The following HDAC9 variants were observed in gnomAD, a reference collection of about 807,000 sequenced individuals.
HDAC9 encodes the protein MEF-2 interacting transcription repressor (MITR) protein.
HDAC9 carries 41 observed loss-of-function variants against 139.4 expected under a neutral mutation model. The ratio of observed to expected loss-of-function variants is 0.29; its 90% confidence interval spans 0.23 to 0.38. The LOEUF (loss-of-function observed/expected upper bound fraction) is 0.38. Ranked by LOEUF, HDAC9 falls within the 10% of genes least tolerant of loss-of-function variation. HDAC9 has a pLI of 1.00. For synonymous variants in HDAC9, 517 were observed against 476.2 expected (o/e 1.09, Z -1.12); for missense variants, 1,147 against 1,297.0 (o/e 0.88, Z 1.78).
chr7:18,981,669 C>T (rs1382313052), intron 25 of HDAC9, among the ~76,000 whole-genome samples: 1 of 152,138 alleles, frequency 6.6e-6, no homozygotes, highest in Non-Finnish European at 1.5e-5. Flanking sequence ...CTCTCTCTGC[C>T]TTCAGCTGAG....
Position 18,835,462 on chromosome 7 carries a change from T to C in HDAC9, c.2467-5T>C. On this transcript the variant is annotated splice_polypyrimidine_tract_variant and splice_region_variant and intron_variant, in intron 19 of 25. Transcript: ENST00000686413. ...TATTTGTCGTCTGTTTTCATTTCCC[T>C]GTAGGATGTTCACCATGGAAACGGT... The C allele has an allele frequency of 6.2e-7, 1 of 1,612,398 alleles. No individual in the cohort carries two copies. The highest frequency in any genetic ancestry group is 1.7e-5 in the Admixed American group (1 of 59,900).
At chr7:18,928,135 T>C (rs754659267) in intron 22 of HDAC9, among the ~76,000 whole-genome samples, 3 of 152,200 alleles carry the variant, frequency 2.0e-5, no homozygotes, top group Non-Finnish European at 4.4e-5. Flanking sequence ...AGGATAGCAA[T>C]AGTAACTAAA....
intron 1 of HDAC9, among the ~76,000 whole-genome samples, chr7:18,417,195 G>A (rs561923448): frequency 9.2e-5 from 14 of 152,026 alleles, no homozygotes; most frequent in African/African-American, 3.1e-4. Flanking sequence ...CTTTTCTTCT[G>A]CATTGTCTCC....
chr7:18,468,994 C>G (rs907466531), intron 1 of HDAC9, among the ~76,000 whole-genome samples: 1 of 152,308 alleles, frequency 6.6e-6, no homozygotes, highest in East Asian at 1.9e-4. Flanking sequence ...GACTTTTATT[C>G]ATGCATCTTA....
At chr7:18,216,269 A>T (rs1236396267) in intron 2 of HDAC9, among the ~76,000 whole-genome samples, 1 of 152,160 alleles carries the variant, frequency 6.6e-6, no homozygotes, top group Non-Finnish European at 1.5e-5. Flanking sequence ...TTGAAAGTTT[A>T]ACAAAATCTC....
At chr7:18,413,177 A>G (rs746836722) in intron 1 of HDAC9, among the ~76,000 whole-genome samples, 19 of 152,326 alleles carry the variant, frequency 1.2e-4, no homozygotes, top group Non-Finnish European at 2.4e-4. Context: ...GTAATTTCCT[A>G]TAGATATTTT....
intron 12 of HDAC9, among the ~76,000 whole-genome samples, chr7:18,694,428 C>G (rs368931249): frequency 1.3e-5 from 2 of 152,072 alleles, no homozygotes; most frequent in Admixed American, 1.3e-4. Flanking sequence ...CTCTTCTTAA[C>G]GTAATGAGAT....
chr7:18,274,027 T>A (rs1796555530), intron 2 of HDAC9, among the ~76,000 whole-genome samples: 1 of 152,164 alleles, frequency 6.6e-6, no homozygotes, highest in Non-Finnish European at 1.5e-5. Context: ...CCTATATATG[T>A]AGTAAAGTTT....
chr7:18,716,990 CTT>C (rs528916567), intron 12 of HDAC9, among the ~76,000 whole-genome samples: 7,576 of 114,920 alleles, frequency 0.066, 240 homozygotes, highest in African/African-American at 0.15. Context: ...CTCGTTAGCA[CTT>C]TTTTTTTTTT....
rs376538602 is a variant in HDAC9, at chr7:18,745,652, T to C, written c.1910-3353T>C. The stretch of plus-strand genomic sequence containing the variant: ...AGCTCCGCCTCCCGGGTTCACACCA[T>C]TCTCCTGCCTCAGCCTCCCGAGTAG... On this transcript the variant is annotated intron_variant, in intron 13 of 25. Coordinates refer to ENST00000686413, the MANE Select transcript of HDAC9 (RefSeq NM_178425.4). 1.4e-3 allele frequency among the ~76,000 whole-genome samples: 205 copies of C among 146,612 alleles called. 4 individuals are homozygous for C. The East Asian group carries it at 0.036, about 26-fold the overall frequency.
At chr7:18,265,898 G>A (rs1014228962) in intron 2 of HDAC9, among the ~76,000 whole-genome samples, 1 of 152,096 alleles carries the variant, frequency 6.6e-6, no homozygotes, top group Non-Finnish European at 1.5e-5. Flanking sequence ...AAGAATCTTT[G>A]CAGACAATTA....
intron 1 of HDAC9, among the ~76,000 whole-genome samples, chr7:18,291,265 G>C (rs1256373727): frequency 1.3e-5 from 2 of 152,090 alleles, no homozygotes; most frequent in African/African-American, 4.8e-5. Context: ...AGTTTCCACT[G>C]GTTGTTTTAC....
At chr7:18,931,992 GT>G (rs754088007) in intron 22 of HDAC9, among the ~76,000 whole-genome samples, 28 of 152,110 alleles carry the variant, frequency 1.8e-4, no homozygotes, top group Non-Finnish European at 3.5e-4. Context: ...CTATACTTTA[GT>G]TAATAATAAT....
rs1374597383 is a variant in HDAC9, at chr7:18,303,331, CG to C, written c.-42+12817del. Among the ~76,000 whole-genome samples the C allele has an allele frequency of 2.0e-5, 3 of 151,022 alleles. No individual in the cohort carries two copies. The East Asian group carries it at 5.9e-4, about 30-fold the overall frequency. ...CTCCCGGGTTCCTGCCTCAGCCTTC[CG>C]AGTGGCTGGGACTACAGGCACCCAC... On this transcript the variant is annotated intron_variant, in intron 1 of 3. Coordinates refer to the HDAC9 transcript ENST00000413509.
intron 1 of HDAC9, among the ~76,000 whole-genome samples, chr7:18,389,995 G>A (rs1435606511): frequency 3.4e-5 from 5 of 146,896 alleles, no homozygotes; most frequent in Admixed American, 1.4e-4. Flanking sequence ...TAGTTGTTCT[G>A]AAAAAATAAG....
intron 25 of HDAC9, among the ~76,000 whole-genome samples, chr7:18,981,725 C>G (rs1483622346): frequency 1.3e-5 from 2 of 152,118 alleles, no homozygotes; most frequent in Non-Finnish European, 2.9e-5. Flanking sequence ...ATTAGACTCA[C>G]CAGGATAATT....
chr7:18,594,312 T>C (rs887789941), intron 6 of HDAC9, among the ~76,000 whole-genome samples: 1 of 152,108 alleles, frequency 6.6e-6, no homozygotes, highest in Non-Finnish European at 1.5e-5. Flanking sequence ...AATAAAAATT[T>C]CGTATCTCGG....
In HDAC9 at chr7:18,991,580, T is replaced by G. The variant is rs10233651; in HGVS notation, c.3171-4443T>G. On this transcript the variant is annotated intron_variant, in intron 25 of 25. Coordinates refer to ENST00000686413, the MANE Select transcript of HDAC9 (RefSeq NM_178425.4). ...TTAACTCAGGAGGCGGAGCTTGCAG[T>G]GAGCGGAGATGGTGCCATTGCACTC... 3.3e-3 allele frequency among the ~76,000 whole-genome samples: 495 copies of G among 150,856 alleles called. 1 individual carries two copies. Among genetic ancestry groups the G allele is most frequent in the African/African-American group, 0.011 (467 of 40,960 alleles).
At chr7:18,750,990 T>C (rs1788395684) in intron 14 of HDAC9, among the ~76,000 whole-genome samples, 1 of 152,158 alleles carries the variant, frequency 6.6e-6, no homozygotes, top group South Asian at 2.1e-4. Flanking sequence ...TAGATAGTGG[T>C]ATTCCTAAAT....
Sources: allele counts gnomAD v4.1 joint callset (sites outside exome capture counted in the v4.1 genomes callset), GRCh38; gene constraint gnomAD v4.1.1; transcripts MANE v1.5; gene names NCBI Gene and HGNC (gene_info 2026-07-23, HGNC 2026-07-21).